Variants in TWSG1 observed in about 807,000 individuals in gnomAD.
The protein encoded by TWSG1 is twisted gastrulation BMP signaling modulator 1.
TWSG1 carries 15 observed loss-of-function variants against 23.0 expected under a neutral mutation model. That is an observed-to-expected ratio of 0.65 (90% CI 0.44 to 1.00). The LOEUF (loss-of-function observed/expected upper bound fraction) is 1.00, where lower values mean the gene tolerates loss of function less well. Among genes scored for constraint, TWSG1 ranks in the 50% least tolerant of loss-of-function variants. The probability of loss-of-function intolerance (pLI) is 0.00; values close to 1 mark genes in which losing one functional copy is unlikely to be tolerated. For synonymous variants in TWSG1, 86 were observed against 92.8 expected, an observed-to-expected ratio of 0.93 and a Z score of 0.42; for missense variants, 242 against 278.7, an observed-to-expected ratio of 0.87 and a Z score of 0.94.
intron 3 of TWSG1, among the ~76,000 whole-genome samples, chr18:9,371,839 TC>T (rs1391311560): frequency 6.7e-6 from 1 of 149,606 alleles, no homozygotes; most frequent in Non-Finnish European, 1.5e-5. Flanking sequence ...TGGCTCAGTC[TC>T]GGCTCACTGC....
At chr18:9,381,863 C>A (rs963402244) in intron 3 of TWSG1, among the ~76,000 whole-genome samples, 3 of 113,796 alleles carry the variant, frequency 2.6e-5, no homozygotes, top group African/African-American at 8.2e-5. Flanking sequence ...GCTTTACACA[C>A]CCCTGTTACT....
intron 3 of TWSG1, chr18:9,388,310 C>A (rs533068962): frequency 5.3e-4 from 80 of 152,320 alleles, no homozygotes; most frequent in African/African-American, 1.9e-3. Context: ...AAGAAAAGTT[C>A]ACTTTATCTC....
chr18:9,340,381 A>AG (rs1478275388), intron 2 of TWSG1, among the ~76,000 whole-genome samples: 4 of 151,400 alleles, frequency 2.6e-5, no homozygotes, highest in Non-Finnish European at 4.4e-5. Context: ...AAAAAAAAAA[A>AG]AAAAAAAAAG....
intron 4 of TWSG1, 54 bp from the exon 5 acceptor site, chr18:9,399,292 A>AT (rs1416878438): frequency 2.3e-6 from 3 of 1,327,920 alleles, no homozygotes; most frequent in Non-Finnish European, 2.1e-6. Flanking sequence ...AAAGCATTTT[A>AT]TTTTTTTGTT....
In TWSG1 at chr18:9,360,081, T is replaced by C. The variant is rs2040545611; in HGVS notation, c.223+10T>C. On this transcript the variant is annotated intron_variant, in intron 3 of 4. Coordinates refer to ENST00000262120, the MANE Select transcript of TWSG1 (RefSeq NM_020648.6). ...TGCTGTGACTGTGTTGGTAAGTTGA[T>C]ACCAAGGGAGACTTCTTAATATTTC... 6.2e-7 allele frequency: 1 copy of C among 1,603,798 alleles called. No homozygotes were observed. Among genetic ancestry groups the C allele is most frequent in the African/African-American group, 1.3e-5 (1 of 74,682 alleles).
rs2040449961 is a variant in TWSG1, at chr18:9,342,400, C to G, written c.123+5048C>G. Reference sequence around the variant, plus strand: ...CTCTGTTTTGTAACTCTATTTGAATCTTCTAATGCTTTATTTACAGGTATA... The same window carrying G: ...CTCTGTTTTGTAACTCTATTTGAATGTTCTAATGCTTTATTTACAGGTATA... On this transcript the variant is annotated intron_variant, in intron 2 of 4. Transcript: ENST00000262120. Among the ~76,000 whole-genome samples, 7 of 152,282 alleles carry G rather than the reference C, an allele frequency of 4.6e-5. No homozygotes were observed. In the South Asian group the frequency reaches 1.4e-3, roughly 32 times the overall value.
intron 3 of TWSG1, among the ~76,000 whole-genome samples, chr18:9,381,070 A>G (rs1198939816): frequency 6.6e-6 from 1 of 152,178 alleles, no homozygotes; most frequent in African/African-American, 2.4e-5. Flanking sequence ...AACTAAACAC[A>G]CCCTCTGGAG....
chr18:9,365,202 G>A (rs1179643527), intron 3 of TWSG1, among the ~76,000 whole-genome samples: 7 of 151,938 alleles, frequency 4.6e-5, no homozygotes, highest in Non-Finnish European at 1.0e-4. Flanking sequence ...ATGCACATAT[G>A]GTCCCAGCTA....
chr18:9,340,764 A>G (rs1489277784), intron 2 of TWSG1, among the ~76,000 whole-genome samples: 1 of 152,244 alleles, frequency 6.6e-6, no homozygotes, highest in African/African-American at 2.4e-5. Flanking sequence ...GATGGAAAAG[A>G]TCTACATCTA....
chr18:9,336,364 C>T (rs1348443499), intron 1 of TWSG1, among the ~76,000 whole-genome samples: 2 of 151,576 alleles, frequency 1.3e-5, no homozygotes, highest in Non-Finnish European at 2.9e-5. Context: ...TGCACTCCAG[C>T]CTGGGCGACA....
rs117595842 is a variant in TWSG1 at position 9,384,279 on chromosome 18, C to T, written c.224-12001C>T. On this transcript the variant is annotated intron_variant, in intron 3 of 4. Coordinates refer to ENST00000262120, the MANE Select transcript of TWSG1 (RefSeq NM_020648.6). Reference sequence around the variant, plus strand: ...GGAACCAAGATAAGCTTATCTAAGACCCAGGTATGTTAGGGAAGATGACTG... The same window carrying T: ...GGAACCAAGATAAGCTTATCTAAGATCCAGGTATGTTAGGGAAGATGACTG... 2.3e-3 allele frequency among the ~76,000 whole-genome samples: 357 copies of T among 152,234 alleles called. 1 individual carries two copies. The highest frequency in any genetic ancestry group is 4.2e-3 in the Non-Finnish European group (287 of 68,012).
chr18:9,361,440 C>T (rs1275314137), intron 3 of TWSG1, among the ~76,000 whole-genome samples: 4 of 152,180 alleles, frequency 2.6e-5, no homozygotes, highest in African/African-American at 4.8e-5. Context: ...TACTCCAAAA[C>T]GGACTGGGAG....
intron 4 of TWSG1, 72 bp downstream of exon 4, chr18:9,396,618 TATA>T (rs748397889): frequency 1.3e-6 from 2 of 1,521,822 alleles, no homozygotes; most frequent in Admixed American, 2.1e-5. Context: ...ATAAAACCTA[TATA>T]AGACCATCTT....
At chr18:9,396,909 A>C in intron 4 of TWSG1, 1 of 247,164 alleles carries the variant, frequency 4.0e-6, no homozygotes, top group Non-Finnish European at 7.7e-6. Flanking sequence ...GAATACAAAA[A>C]TTAGCCGGGT....
At chr18:9,382,600 G>C (rs758779982) in intron 3 of TWSG1, among the ~76,000 whole-genome samples, 11 of 150,578 alleles carry the variant, frequency 7.3e-5, no homozygotes, top group South Asian at 2.1e-4. Flanking sequence ...GATCACCTGA[G>C]GTCAGGAGTT....
At chr18:9,379,008 A>T (rs1326077777) in intron 3 of TWSG1, among the ~76,000 whole-genome samples, 1 of 152,166 alleles carries the variant, frequency 6.6e-6, no homozygotes, top group Admixed American at 6.5e-5. Flanking sequence ...ATGATATTAA[A>T]AAGTCAAAAA....
At chr18:9,363,453 G>T (rs2040562227) in intron 3 of TWSG1, among the ~76,000 whole-genome samples, 2 of 151,836 alleles carry the variant, frequency 1.3e-5, no homozygotes, top group African/African-American at 2.4e-5. Flanking sequence ...CTGTTTGTTG[G>T]TATATGTCTC....
intron 3 of TWSG1, among the ~76,000 whole-genome samples, chr18:9,383,605 G>T (rs2040669363): frequency 6.6e-6 from 1 of 152,198 alleles, no homozygotes; most frequent in Admixed American, 6.5e-5. Context: ...AAAGATTATG[G>T]TGGATTTGAT....
At chr18:9,361,643 C>T (rs1433824552) in intron 3 of TWSG1, among the ~76,000 whole-genome samples, 1 of 152,186 alleles carries the variant, frequency 6.6e-6, no homozygotes, top group South Asian at 2.1e-4. Context: ...GGGCAGTATG[C>T]CAGGCTGCAA....
Sources: gnomAD v4.1 joint callset for allele counts (sites outside exome capture counted in the v4.1 genomes callset) on GRCh38, gnomAD v4.1.1 for gene constraint, MANE v1.5 for transcripts, NCBI Gene and HGNC (gene_info 2026-07-23, HGNC 2026-07-21) for gene names.